NUDT19: variants seen among roughly 807,000 people sequenced by gnomAD.
NUDT19 encodes acyl-coenzyme A diphosphatase NUDT19.
In NUDT19, 31 loss-of-function variants were observed where a neutral mutation model predicts 22.2. The ratio of observed to expected loss-of-function variants is 1.40; its 90% CI spans 1.05 to 1.89. NUDT19 has a LOEUF of 1.89. Among genes scored for constraint, NUDT19 ranks in the 40% most tolerant of loss-of-function variants. NUDT19 has a pLI of 0.00. For synonymous variants in NUDT19, 325 were observed against 230.8 expected, an observed-to-expected ratio of 1.41 and a Z score of -3.70; for missense variants, 752 against 514.2, an observed-to-expected ratio of 1.46 and a Z score of -4.47.
intron 1 of NUDT19, among the ~76,000 whole-genome samples, chr19:32,704,522 A>G (rs983542889): frequency 6.6e-6 from 1 of 151,800 alleles, no homozygotes; most frequent in African/African-American, 2.4e-5. Context: ...GGCCTCCCAA[A>G]GTACTGGGAT....
intron 1 of NUDT19, among the ~76,000 whole-genome samples, chr19:32,700,013 G>T (rs565180964): frequency 6.6e-6 from 1 of 152,350 alleles, no homozygotes; most frequent in East Asian, 1.9e-4. Flanking sequence ...TTGGAGTGAA[G>T]CTGCAGACCT....
chr19:32,694,655 ATG>A (rs1239355040), intron 1 of NUDT19, among the ~76,000 whole-genome samples: 4 of 152,218 alleles, frequency 2.6e-5, no homozygotes, highest in East Asian at 3.8e-4. Flanking sequence ...TTAGGATAAT[ATG>A]TGTTACACTG....
At position 32,711,814 on chromosome 19, in the gene NUDT19, A is replaced by G. The variant is rs779410163; in HGVS notation, c.985A>G (p.Thr329Ala). ...AAATCTTATGTCTACTGAAAAAAAG[A>G]CTGAGGAAATCATGAAGGAAGGCAA... The part of the protein sequence containing the change: ...LENLMSTEKK[T>A]EEIMKEGKQF... The change falls in exon 3 of 3, where the codon ACT becomes GCT. Residue 329 changes from threonine to alanine, a missense_variant. By Grantham distance (58) the Thr-to-Ala change is moderately conservative. Coordinates refer to ENST00000397061, the MANE Select transcript of NUDT19 (RefSeq NM_001105570.2). 4.3e-6 allele frequency: 7 copies of G among 1,613,772 alleles called. No individual in the cohort carries two copies. The highest frequency in any genetic ancestry group is 5.9e-6 in the Non-Finnish European group (7 of 1,179,784).
chr19:32,710,990 C>G (rs564708483), intron 2 of NUDT19, among the ~76,000 whole-genome samples: 1 of 152,018 alleles, frequency 6.6e-6, no homozygotes, highest in Non-Finnish European at 1.5e-5. Flanking sequence ...AAGAACAGCC[C>G]ACTTTGAAAC....
In NUDT19 at chr19:32,692,648, G is replaced by T. The variant is rs959229017; in HGVS notation, c.688G>T (p.Asp230Tyr). The part of the protein sequence containing the change: ...CLREPPPVYP[D>Y]LAEVVGYQWS... ...GCGCGAGCCGCCGCCCGTCTACCCCGACTTGGCGGAGGTGGTGGGCTACCA... is the reference window on the plus strand; with the variant it reads ...GCGCGAGCCGCCGCCCGTCTACCCCTACTTGGCGGAGGTGGTGGGCTACCA... The change falls in exon 1 of 3, where the codon GAC becomes TAC. Residue 230 changes from aspartate to tyrosine, a missense_variant. Physicochemically the swap from Asp to Tyr is radical, Grantham distance 160. Transcript: ENST00000397061. 1.8e-5 allele frequency: 27 copies of T among 1,520,274 alleles called. No individual in the cohort carries two copies. Among genetic ancestry groups the T allele is most frequent in the Non-Finnish European group, 2.4e-5 (27 of 1,139,700 alleles). 94.2% of individuals were successfully genotyped at this position (1,520,274 alleles called of 1,614,324 possible).
chr19:32,693,964 C>T (rs1189372278), intron 1 of NUDT19, among the ~76,000 whole-genome samples: 1 of 152,182 alleles, frequency 6.6e-6, no homozygotes, highest in Non-Finnish European at 1.5e-5. Context: ...GTTGTAGTGT[C>T]CTCCAGAGGG....
At chr19:32,704,691 TA>T (rs1968369687) in intron 1 of NUDT19, among the ~76,000 whole-genome samples, 1 of 152,224 alleles carries the variant, frequency 6.6e-6, no homozygotes, top group African/African-American at 2.4e-5. Context: ...TCTGTTGACT[TA>T]TTTTTTTTCT....
At chr19:32,709,607 T>C (rs879521841) in intron 2 of NUDT19, among the ~76,000 whole-genome samples, 4 of 152,142 alleles carry the variant, frequency 2.6e-5, no homozygotes, top group Non-Finnish European at 5.9e-5. Flanking sequence ...TTTATATTAA[T>C]ATATTTCCTA....
chr19:32,692,591 C>A lies in NUDT19; in HGVS notation c.631C>A (p.Arg211Ser), dbSNP rs748981892. The A allele has an allele frequency of 8.8e-6, 14 of 1,582,156 alleles. No homozygotes were observed. In the South Asian group the frequency reaches 1.6e-4, roughly 18 times the overall value. ...CCCTTTCTTGCGGGGCACCACTCGCCGCTTTGACACGGCCTTCTTCCTGTG... is the reference window on the plus strand; with the variant it reads ...CCCTTTCTTGCGGGGCACCACTCGCAGCTTTGACACGGCCTTCTTCCTGTG... ...LTPFLRGTTR[R>S]FDTAFFLCCL... The change falls in exon 1 of 3, where the codon CGC becomes AGC. Residue 211 changes from arginine to serine, a missense_variant. Transcript: ENST00000397061.
intron 1 of NUDT19, among the ~76,000 whole-genome samples, chr19:32,703,787 C>T (rs1200067804): frequency 5.3e-5 from 8 of 149,838 alleles, no homozygotes; most frequent in Admixed American, 1.3e-4. Flanking sequence ...CTCAGCCTCC[C>T]GAGTAGCTGA....
At position 32,711,928 on chromosome 19, in the gene NUDT19, A is replaced by G; in HGVS notation, c.1099A>G (p.Asn367Asp). Residue 367 changes from asparagine (N) to aspartate (D), a missense_variant, in exon 3 of 3, where the codon AAC (asparagine) becomes GAC (aspartate). Physicochemically the swap from Asn to Asp is conservative, Grantham distance 23 (BLOSUM62 1). Transcript: ENST00000397061. Reference sequence around the variant, plus strand: ...AAAGTATAAACACGTTTATCCTAAGAACTCTGTAGTAAGAAAAAGCCATTT... The same window carrying G: ...AAAGTATAAACACGTTTATCCTAAGGACTCTGTAGTAAGAAAAAGCCATTT... Reference protein sequence around the residue: ...QPKYKHVYPKNSVVRKSHL With the variant: ...QPKYKHVYPKDSVVRKSHL The G allele has an allele frequency of 5.6e-6, 9 of 1,613,874 alleles. No individual in the cohort carries two copies. The highest frequency in any genetic ancestry group is 2.2e-5 in the East Asian group (1 of 44,874).
In NUDT19 at chr19:32,692,399, C is replaced by A. The variant is rs1466349541; in HGVS notation, c.439C>A (p.Pro147Thr). The A allele has an allele frequency of 3.8e-6, 6 of 1,574,928 alleles. No individual in the cohort carries two copies. Among genetic ancestry groups the A allele is most frequent in the Non-Finnish European group, 4.3e-6 (5 of 1,168,600 alleles). ...GCTGCTGCTGCGGCCCAGGACTTCC[C>A]CACCAGGCCCAGCACCCGGGCCTGG... ...GVLLLRPRTS[P>T]PGPAPGPGLA... Residue 147 changes from proline to threonine, a missense_variant, in exon 1 of 3, where the codon CCA (proline) becomes ACA (threonine). Pro to Thr is a conservative substitution (Grantham distance 38). Coordinates refer to ENST00000397061, the MANE Select transcript of NUDT19 (RefSeq NM_001105570.2).
chr19:32,692,149 C>T lies in NUDT19; in HGVS notation c.189C>T (p.Ser63=), dbSNP rs568147494. 112 of 1,503,750 alleles carry T rather than the reference C, an allele frequency of 7.4e-5. No homozygotes were observed. Among genetic ancestry groups the T allele is most frequent in the African/African-American group, 1.3e-4 (9 of 69,532 alleles). The allele number at this position is 1,503,750 out of a possible 1,614,324, so 93.2% of individuals were successfully genotyped here. ...QGFMPGAHVF[S]GGVLDAADRS... is the part of the protein sequence containing the mutation. Reference sequence around the variant, plus strand: ...TCATGCCGGGCGCGCACGTCTTCTCCGGCGGAGTGCTGGATGCGGCCGACC... The same window carrying T: ...TCATGCCGGGCGCGCACGTCTTCTCTGGCGGAGTGCTGGATGCGGCCGACC... The change falls in exon 1 of 3, where the codon TCC becomes TCT. Residue 63 remains serine, a synonymous_variant. Coordinates refer to ENST00000397061, the MANE Select transcript of NUDT19 (RefSeq NM_001105570.2).
chr19:32,699,564 T>A (rs147566020), intron 1 of NUDT19, among the ~76,000 whole-genome samples: 1,664 of 152,334 alleles, frequency 0.011, 37 homozygotes, highest in African/African-American at 0.038. Flanking sequence ...GACACCCGTG[T>A]CTTTAGTTCA....
intron 1 of NUDT19, among the ~76,000 whole-genome samples, chr19:32,700,554 C>G (rs942132287): frequency 3.3e-5 from 5 of 152,168 alleles, no homozygotes; most frequent in African/African-American, 1.2e-4. Flanking sequence ...CTCAGCTTCC[C>G]GGGTAGCTGG....
chr19:32,692,407 C>T lies in NUDT19; in HGVS notation c.447C>T (p.Gly149=). Residue 149 remains glycine, a synonymous_variant, in exon 1 of 3, where the codon GGC becomes GGT. Coordinates refer to ENST00000397061, the MANE Select transcript of NUDT19 (RefSeq NM_001105570.2). ...TGCGGCCCAGGACTTCCCCACCAGG[C>T]CCAGCACCCGGGCCTGGCCTCGCCC... ...LLLRPRTSPP[G]PAPGPGLALE... is the part of the protein sequence containing the mutation. The T allele has an allele frequency of 6.4e-7, 1 of 1,570,316 alleles. No homozygotes were observed. Among genetic ancestry groups the T allele is most frequent in the Non-Finnish European group, 8.6e-7 (1 of 1,165,990 alleles).
At chr19:32,708,951 G>A (rs1161076631) in intron 1 of NUDT19, among the ~76,000 whole-genome samples, 1 of 152,140 alleles carries the variant, frequency 6.6e-6, no homozygotes, top group Non-Finnish European at 1.5e-5. Context: ...TCAGGGGTCT[G>A]CCCTGGTTTA....
In NUDT19 at chr19:32,698,645, A is replaced by G. The variant is rs572235286; in HGVS notation, c.714+5971A>G. Among the ~76,000 whole-genome samples, 30 of 152,298 alleles carry G rather than the reference A, an allele frequency of 2.0e-4. No individual in the cohort carries two copies. In the South Asian group the frequency reaches 6.2e-3, roughly 32 times the overall value. On this transcript the variant is annotated intron_variant, in intron 1 of 2. Transcript: ENST00000397061. ...CAACAGTCCCTGGACCCTGCTGATC[A>G]GAATGGTTGTGCTCACTGACACAGC...
At chr19:32,705,205 G>A (rs551008575) in intron 1 of NUDT19, among the ~76,000 whole-genome samples, 64 of 151,130 alleles carry the variant, frequency 4.2e-4, no homozygotes, top group African/African-American at 1.5e-3. Context: ...GGTGGATCAC[G>A]AGGTCAGCAG....
Sources: gnomAD v4.1 joint callset for allele counts (sites outside exome capture counted in the v4.1 genomes callset) on GRCh38, gnomAD v4.1.1 for gene constraint, MANE v1.5 for transcripts, NCBI Gene and HGNC (gene_info 2026-07-23, HGNC 2026-07-21) for gene names.